Variants in NUDT19 observed in about 807,000 individuals in gnomAD.
The protein encoded by NUDT19 is acyl-coenzyme A diphosphatase NUDT19.
Under a neutral mutation model 22.2 loss-of-function variants are expected in NUDT19, and 31 were observed. That is an observed-to-expected ratio of 1.40 (90% CI 1.05 to 1.89). NUDT19 has a LOEUF of 1.89. Among genes scored for constraint, NUDT19 ranks in the 40% most tolerant of loss-of-function variants. The pLI is 0.00. For synonymous variants in NUDT19, 325 were observed against 230.8 expected, an observed-to-expected ratio of 1.41 and a Z score of -3.70; for missense variants, 752 against 514.2, an observed-to-expected ratio of 1.46 and a Z score of -4.47.
At chr19:32,705,512 T>C (rs1968378969) in intron 1 of NUDT19, among the ~76,000 whole-genome samples, 1 of 151,980 alleles carries the variant, frequency 6.6e-6, no homozygotes, top group African/African-American at 2.4e-5. Flanking sequence ...TGTCTTGAGG[T>C]TTAATTTTAA....
intron 1 of NUDT19, among the ~76,000 whole-genome samples, chr19:32,701,039 CAA>C (rs775427205): frequency 8.4e-5 from 11 of 131,160 alleles, no homozygotes; most frequent in African/African-American, 1.4e-4. Flanking sequence ...GGCCCTTTCT[CAA>C]AAAAAAAAAA....
At position 32,709,411 on chromosome 19, in the gene NUDT19, GGTGCTTTTGTTAGTATTCACATTCA is replaced by G. The variant is rs764224602; in HGVS notation, c.922+24_922+48del. On this transcript the variant is annotated intron_variant, in intron 2 of 2. Transcript: ENST00000397061. ...TTACCAGGTAAACCAGTGAAGCATC[GGTGCTTTTGTTAGTATTCACATTCA>G]GTGCCCTGGGCTGCATGGCTGTATT... 8 of 1,606,388 alleles carry G rather than the reference GGTGCTTTTGTTAGTATTCACATTCA, an allele frequency of 5.0e-6. No individual in the cohort carries two copies. The highest frequency in any genetic ancestry group is 3.3e-5 in the Admixed American group (2 of 59,964).
At chr19:32,697,357 T>C (rs2145358142) in intron 1 of NUDT19, among the ~76,000 whole-genome samples, 1 of 152,282 alleles carries the variant, frequency 6.6e-6, no homozygotes, top group South Asian at 2.1e-4. Context: ...ACTTGTCTTT[T>C]AGGATCAATT....
At chr19:32,706,742 A>G (rs1249336499) in intron 1 of NUDT19, among the ~76,000 whole-genome samples, 1 of 152,214 alleles carries the variant, frequency 6.6e-6, no homozygotes, top group Non-Finnish European at 1.5e-5. Context: ...TCATCAATTA[A>G]ATTTTATCAT....
chr19:32,699,416 C>G (rs996212290), intron 1 of NUDT19, among the ~76,000 whole-genome samples: 1 of 152,168 alleles, frequency 6.6e-6, no homozygotes, highest in African/African-American at 2.4e-5. Context: ...TTGTCGGGAC[C>G]CCGGAGCTGA....
At chr19:32,696,360 G>A (rs985751638) in intron 1 of NUDT19, among the ~76,000 whole-genome samples, 3 of 150,592 alleles carry the variant, frequency 2.0e-5, no homozygotes, top group Non-Finnish European at 3.0e-5. Flanking sequence ...TAAACAGTTA[G>A]TCTAGCCTTT....
At chr19:32,709,425 T>C in intron 2 of NUDT19, 33 bp downstream of exon 2, 1 of 1,571,580 alleles carries the variant, frequency 6.4e-7, no homozygotes, top group East Asian at 2.2e-5. Flanking sequence ...CTTTTGTTAG[T>C]ATTCACATTC....
In NUDT19 at chr19:32,692,209, C is replaced by T. The variant is rs750797858; in HGVS notation, c.249C>T (p.His83=). The T allele has an allele frequency of 1.2e-5, 19 of 1,581,038 alleles. No homozygotes were observed. Among genetic ancestry groups the T allele is most frequent in the African/African-American group, 8.3e-5 (6 of 72,578 alleles). Residue 83 remains histidine, a synonymous_variant, in exon 1 of 3, where the codon CAC becomes CAT. Coordinates refer to ENST00000397061, the MANE Select transcript of NUDT19 (RefSeq NM_001105570.2). ...SADWLGLFAP[H]HGPPRFGLGP... ...ACTGGCTGGGCCTCTTCGCGCCGCACCACGGGCCGCCGCGCTTCGGCCTGG... is the reference window on the plus strand; with the variant it reads ...ACTGGCTGGGCCTCTTCGCGCCGCATCACGGGCCGCCGCGCTTCGGCCTGG...
chr19:32,691,984 C>T lies in NUDT19; in HGVS notation c.24C>T (p.Gly8=), dbSNP rs1479021332. The change falls in exon 1 of 3, where the codon GGC becomes GGT. Residue 8 remains glycine, a synonymous_variant. Transcript: ENST00000397061. MSSSLRP[G]PSRWRRAASI... is the part of the protein sequence containing the mutation. The stretch of plus-strand genomic sequence containing the variant: ...CCATGAGCAGCTCCCTGCGGCCGGG[C>T]CCCAGCCGCTGGCGGCGGGCGGCCA... 2 of 1,234,388 alleles carry T rather than the reference C, an allele frequency of 1.6e-6. No homozygotes were observed. The highest frequency in any genetic ancestry group is 3.1e-5 in the African/African-American group (2 of 63,860). The allele number at this position is 1,234,388 out of a possible 1,614,324, so 76.5% of individuals were successfully genotyped here.
chr19:32,709,136 C>A, intron 1 of NUDT19, 49 bp from the exon 2 acceptor site: 1 of 1,294,328 alleles, frequency 7.7e-7, no homozygotes, highest in Non-Finnish European at 1.1e-6. Flanking sequence ...TCAAGTCTCA[C>A]ATTGTCTATG....
rs1968202297 is a variant in NUDT19, at chr19:32,692,426, C to G, written c.466C>G (p.Leu156Val). ...ACCAGGCCCAGCACCCGGGCCTGGC[C>G]TCGCCCTGGAGCCACCGCCGGGCCT... ...SPPGPAPGPG[L>V]ALEPPPGLAS... is the part of the protein sequence containing the mutation. Residue 156 changes from leucine (L) to valine (V), a missense_variant, in exon 1 of 3, where the codon CTC becomes GTC. Physicochemically the swap from Leu to Val is conservative, Grantham distance 32. Coordinates refer to ENST00000397061, the MANE Select transcript of NUDT19 (RefSeq NM_001105570.2). 4 of 1,554,634 alleles carry G rather than the reference C, an allele frequency of 2.6e-6. No homozygotes were observed. The highest frequency in any genetic ancestry group is 2.6e-6 in the Non-Finnish European group (3 of 1,157,142).
In NUDT19 at chr19:32,691,977, G is replaced by C. The variant is rs1478464411; in HGVS notation, c.17G>C (p.Arg6Pro). The stretch of plus-strand genomic sequence containing the variant: ...CTGCGCGCCATGAGCAGCTCCCTGC[G>C]GCCGGGCCCCAGCCGCTGGCGGCGG... MSSSL[R>P]PGPSRWRRAA... The change falls in exon 1 of 3, where the codon CGG becomes CCG. Residue 6 changes from arginine (R) to proline (P), a missense_variant. By Grantham distance (103) the Arg-to-Pro change is moderately radical. Coordinates refer to ENST00000397061, the MANE Select transcript of NUDT19 (RefSeq NM_001105570.2). The C allele has an allele frequency of 1.6e-6, 2 of 1,232,100 alleles. No homozygotes were observed. Among genetic ancestry groups the C allele is most frequent in the East Asian group, 3.2e-5 (1 of 30,934 alleles). The allele number at this position is 1,232,100 out of a possible 1,614,324, so 76.3% of individuals were successfully genotyped here.
Position 32,692,157 on chromosome 19 carries a change from T to G in NUDT19, c.197T>G (p.Val66Gly). The stretch of plus-strand genomic sequence containing the variant: ...GGCGCGCACGTCTTCTCCGGCGGAG[T>G]GCTGGATGCGGCCGACCGCTCGGCG... The part of the protein sequence containing the change: ...MPGAHVFSGG[V>G]LDAADRSADW... Residue 66 changes from valine to glycine, a missense_variant, in exon 1 of 3, where the codon GTG becomes GGG. Transcript: ENST00000397061. 6.6e-7 allele frequency: 1 copy of G among 1,518,666 alleles called. No homozygotes were observed. The highest frequency in any genetic ancestry group is 1.7e-4 in the Middle Eastern group (1 of 5,842). 94.1% of individuals were successfully genotyped at this position (1,518,666 alleles called of 1,614,324 possible).
Position 32,713,128 on chromosome 19 carries a change from A to C in NUDT19, c.*1171A>C, listed in dbSNP as rs973928675. The C allele has an allele frequency of 6.6e-6, 1 of 152,084 alleles. No homozygotes were observed. The highest frequency in any genetic ancestry group is 1.5e-5 in the Non-Finnish European group (1 of 68,012). 9.4% of individuals were successfully genotyped at this position (152,084 alleles called of 1,614,324 possible). On this transcript the variant is annotated 3_prime_UTR_variant, in exon 3 of 3. Transcript: ENST00000397061. ...AGTTATTATGTTTCCCAAATTAGAA[A>C]TCGATTTTAGTTAACATTTTATTTT...
At chr19:32,705,627 C>T (rs1476397226) in intron 1 of NUDT19, among the ~76,000 whole-genome samples, 1 of 151,276 alleles carries the variant, frequency 6.6e-6, no homozygotes, top group Non-Finnish European at 1.5e-5. Flanking sequence ...CTCTGCCACC[C>T]AGGCTGGAGT....
rs756676136 is a variant in NUDT19, at chr19:32,692,345, G to T, written c.385G>T (p.Val129Leu). 8 of 1,590,764 alleles carry T rather than the reference G, an allele frequency of 5.0e-6. No individual in the cohort carries two copies. Among genetic ancestry groups the T allele is most frequent in the Non-Finnish European group, 6.8e-6 (8 of 1,176,590 alleles). The change falls in exon 1 of 3, where the codon GTG (valine) becomes TTG (leucine). Residue 129 changes from valine to leucine, a missense_variant. Physicochemically the swap from Val to Leu is conservative, Grantham distance 32 (BLOSUM62 1). Transcript: ENST00000397061. ...GGACGTAGCCTTCCGCATCTGCGCC[G>T]TGCGGGAGGCCTTTGAGGAGGCGGG... is the stretch of plus-strand genomic sequence containing the variant. ...PEDVAFRICAVREAFEEAGVL... is the reference protein window; with the variant it reads ...PEDVAFRICALREAFEEAGVL...
intron 1 of NUDT19, among the ~76,000 whole-genome samples, chr19:32,696,977 C>T (rs896813409): frequency 6.6e-6 from 1 of 152,124 alleles, no homozygotes; most frequent in Non-Finnish European, 1.5e-5. Flanking sequence ...AACCTTTGTC[C>T]TCTGGGGCAG....
At position 32,705,001 on chromosome 19, in the gene NUDT19, G is replaced by T. The variant is rs1004522269; in HGVS notation, c.715-4184G>T. ...AGGCACCTGTAATCCCAGCTACTTG[G>T]GGGGCCAAGGCAGAAGAATCGGTTG... On this transcript the variant is annotated intron_variant, in intron 1 of 2. Transcript: ENST00000397061. Among the ~76,000 whole-genome samples, 15 of 151,766 alleles carry T rather than the reference G, an allele frequency of 9.9e-5. 1 individual carries two copies. In the South Asian group the frequency reaches 2.7e-3, roughly 27 times the overall value.
intron 2 of NUDT19, among the ~76,000 whole-genome samples, chr19:32,709,660 T>G (rs1422688003): frequency 6.6e-6 from 1 of 152,016 alleles, no homozygotes; most frequent in Admixed American, 6.6e-5. Context: ...TCACTTTTTT[T>G]TTTTTTTTCT....
Sources: gnomAD v4.1 joint callset for allele counts (sites outside exome capture counted in the v4.1 genomes callset) on GRCh38, gnomAD v4.1.1 for gene constraint, MANE v1.5 for transcripts, NCBI Gene and HGNC (gene_info 2026-07-23, HGNC 2026-07-21) for gene names.